The following UNC5B variants were observed in gnomAD, a reference collection of about 807,000 sequenced individuals.
UNC5B encodes the protein netrin receptor UNC5B.
A neutral mutation model predicts 103.7 loss-of-function variants in UNC5B; 56 were observed. The ratio of observed to expected loss-of-function variants is 0.54; its 90% CI spans 0.44 to 0.67. The LOEUF (loss-of-function observed/expected upper bound fraction) is 0.67. UNC5B is among the 30% of genes least tolerant of loss of function. The pLI is 0.00. For synonymous variants in UNC5B, 577 were observed against 542.0 expected, an observed-to-expected ratio of 1.06 and a Z score of -0.90; for missense variants, 1,194 against 1,284.5, an observed-to-expected ratio of 0.93 and a Z score of 1.08.
chr10:71,262,845 G>A (rs1454700962), intron 1 of UNC5B, among the ~76,000 whole-genome samples: 1 of 152,222 alleles, frequency 6.6e-6, no homozygotes. Flanking sequence ...CAGGTTAAAT[G>A]TGTGGCTGTC....
Position 71,299,247 on chromosome 10 carries a change from G to T in UNC5B, c.2808G>T (p.Leu936=). ...AGGAGATGGGCAAGAGTGAGATGCT[G>T]GTGGCTGTGGCCACCGACGGGGACT... is the stretch of plus-strand genomic sequence containing the variant. ...ALEEMGKSEM[L]VAVATDGDC Residue 936 remains leucine, a synonymous_variant, in exon 17 of 17, where the codon CTG becomes CTT. Coordinates refer to ENST00000335350, the MANE Select transcript of UNC5B (RefSeq NM_170744.5). 1 of 1,614,180 alleles carries T rather than the reference G, an allele frequency of 6.2e-7. No individual in the cohort carries two copies. The highest frequency in any genetic ancestry group is 1.7e-5 in the Admixed American group (1 of 60,034).
intron 1 of UNC5B, among the ~76,000 whole-genome samples, chr10:71,256,809 G>A (rs1279613861): frequency 6.6e-6 from 1 of 152,248 alleles, no homozygotes; most frequent in African/African-American, 2.4e-5. Context: ...TGGGGAAGCA[G>A]GGGCCCAGAA....
intron 1 of UNC5B, among the ~76,000 whole-genome samples, chr10:71,276,694 A>G (rs1844779640): frequency 6.6e-6 from 1 of 152,204 alleles, no homozygotes; most frequent in South Asian, 2.1e-4. Context: ...TCGGCCTCCC[A>G]AAATGCTGGG....
chr10:71,250,326 C>T (rs910799711), intron 1 of UNC5B, among the ~76,000 whole-genome samples: 3 of 152,240 alleles, frequency 2.0e-5, no homozygotes, highest in Non-Finnish European at 4.4e-5. Flanking sequence ...GAGCTAGGCC[C>T]CTTCTGGAAG....
intron 1 of UNC5B, among the ~76,000 whole-genome samples, chr10:71,229,495 G>A (rs1339034218): frequency 6.6e-6 from 1 of 152,222 alleles, no homozygotes; most frequent in Non-Finnish European, 1.5e-5. Context: ...AGAGGGCGGG[G>A]CAGGGCCTGC....
At chr10:71,231,614 C>T (rs931911778) in intron 1 of UNC5B, among the ~76,000 whole-genome samples, 3 of 151,700 alleles carry the variant, frequency 2.0e-5, no homozygotes, top group African/African-American at 7.3e-5. Flanking sequence ...GCTTAGCAAA[C>T]GAAAAACCAC....
intron 1 of UNC5B, among the ~76,000 whole-genome samples, chr10:71,224,181 G>C (rs894105858): frequency 2.0e-5 from 3 of 151,826 alleles, no homozygotes; most frequent in African/African-American, 4.8e-5. Flanking sequence ...CTGCAAATTT[G>C]ATCCAGCCCC....
intron 1 of UNC5B, among the ~76,000 whole-genome samples, chr10:71,259,864 C>T (rs1024644271): frequency 2.0e-5 from 3 of 152,224 alleles, no homozygotes; most frequent in Non-Finnish European, 4.4e-5. Context: ...TTCTGCCCAC[C>T]TCCTGAGTTT....
chr10:71,226,263 T>C (rs1181117649), intron 1 of UNC5B, among the ~76,000 whole-genome samples: 7 of 152,074 alleles, frequency 4.6e-5, no homozygotes, highest in Admixed American at 2.6e-4. Flanking sequence ...TTAGTAGAGA[T>C]GGGGTTTCAC....
intron 1 of UNC5B, among the ~76,000 whole-genome samples, chr10:71,226,519 T>C (rs1276692129): frequency 6.6e-6 from 1 of 152,236 alleles, no homozygotes; most frequent in Non-Finnish European, 1.5e-5. Flanking sequence ...TTCACTCTTG[T>C]TAGTCCCGGT....
chr10:71,285,538 G>A, intron 4 of UNC5B, 109 bp downstream of exon 4: 2 of 944,170 alleles, frequency 2.1e-6, no homozygotes, highest in Non-Finnish European at 3.1e-6. Flanking sequence ...CCAGAGCCCT[G>A]CCCCTTTCGC....
intron 1 of UNC5B, among the ~76,000 whole-genome samples, chr10:71,252,103 GACAGTTA>G (rs1009420644): frequency 1.3e-5 from 2 of 152,170 alleles, no homozygotes; most frequent in African/African-American, 2.4e-5. Flanking sequence ...TGGGTGAAGG[GACAGTTA>G]ACATGCTCTT....
intron 1 of UNC5B, among the ~76,000 whole-genome samples, chr10:71,265,836 C>A (rs1450631331): frequency 6.6e-6 from 1 of 152,212 alleles, no homozygotes; most frequent in Non-Finnish European, 1.5e-5. Flanking sequence ...CCCACCCCCA[C>A]TGCTGGCTGT....
At chr10:71,277,663 G>A (rs562531678) in intron 1 of UNC5B, among the ~76,000 whole-genome samples, 209 of 152,330 alleles carry the variant, frequency 1.4e-3, no homozygotes, top group Middle Eastern at 6.8e-3. Context: ...GCAGCCCTAG[G>A]GGGCTACCAG....
At chr10:71,220,930 T>G (rs1843440711) in intron 1 of UNC5B, among the ~76,000 whole-genome samples, 1 of 152,258 alleles carries the variant, frequency 6.6e-6, no homozygotes, top group East Asian at 1.9e-4. Context: ...GTTCTGATTG[T>G]TTGGTTTCCC....
chr10:71,246,914 T>C (rs991951583), intron 1 of UNC5B, among the ~76,000 whole-genome samples: 1 of 152,132 alleles, frequency 6.6e-6, no homozygotes, highest in Admixed American at 6.5e-5. Context: ...CAGGGAGGGC[T>C]TGGCACTGAG....
At chr10:71,244,350 A>G (rs1843974549) in intron 1 of UNC5B, among the ~76,000 whole-genome samples, 1 of 152,180 alleles carries the variant, frequency 6.6e-6, no homozygotes, top group African/African-American at 2.4e-5. Context: ...TTATGACGAC[A>G]CCCTAAACTT....
At chr10:71,223,558 C>T (rs529455746) in intron 1 of UNC5B, among the ~76,000 whole-genome samples, 18 of 152,240 alleles carry the variant, frequency 1.2e-4, no homozygotes, top group Admixed American at 9.8e-4. Flanking sequence ...TTCACTAAAT[C>T]CAGCGGAGCC....
chr10:71,286,862 CGTCT>C lies in UNC5B; in HGVS notation c.727_730del (p.Val243ThrfsTer2). 6.2e-7 allele frequency: 1 copy of C among 1,613,940 alleles called. No individual in the cohort carries two copies. The stretch of plus-strand genomic sequence containing the variant: ...GCCGGAGCACCACTGCCACCGTCAT[CGTCT>C]ACGGTGCGGGCCTTTCGGAGTGGGA... On this transcript the variant is annotated frameshift_variant, in exon 5 of 17. Coordinates refer to ENST00000335350, the MANE Select transcript of UNC5B (RefSeq NM_170744.5). LOFTEE classifies it high-confidence loss of function.
Sources: gnomAD v4.1 joint callset for allele counts (sites outside exome capture counted in the v4.1 genomes callset) on GRCh38, gnomAD v4.1.1 for gene constraint, MANE v1.5 for transcripts, NCBI Gene and HGNC (gene_info 2026-07-23, HGNC 2026-07-21) for gene names.